LRCOL1: variants seen among roughly 807,000 people sequenced by gnomAD.
The protein encoded by LRCOL1 is leucine rich colipase like 1, also known as leucine-rich colipase-like protein 1.
A neutral mutation model predicts 21.6 loss-of-function variants in LRCOL1; 21 were observed. The observed-to-expected ratio is 0.97, with a 90% CI of 0.69 to 1.40. The LOEUF is 1.40. Among genes scored for constraint, LRCOL1 ranks in the 40% most tolerant of loss-of-function variants. LRCOL1 has a pLI of 0.00. For synonymous variants in LRCOL1, 98 were observed against 90.1 expected (o/e 1.09, Z -0.49); for missense variants, 198 against 202.3 (o/e 0.98, Z 0.13).
At chr12:132,609,012 A>G (rs1210356521) in intron 1 of LRCOL1, among the ~76,000 whole-genome samples, 1 of 152,188 alleles carries the variant, frequency 6.6e-6, no homozygotes, top group Non-Finnish European at 1.5e-5. Flanking sequence ...CACCGTTCAC[A>G]GCAGCGTTTT....
rs1487877882 is a variant in LRCOL1, at chr12:132,606,817, TAAGTG to T, written c.-13-558_-13-554del. On this transcript the variant is annotated intron_variant, in intron 1 of 5. Coordinates refer to ENST00000376608, the MANE Select transcript of LRCOL1 (RefSeq NM_001195520.2). The surrounding 1 kb of genome is among the most constrained non-coding windows in gnomAD (Gnocchi z 4.6). ...GCCTTTTCGGGTTGGCTTATTTCAC[TAAGTG>T]CCATTTAAGGTTCCTCTGTGGCTTT... 1.3e-5 allele frequency among the ~76,000 whole-genome samples: 2 copies of T among 151,542 alleles called. No individual in the cohort carries two copies. Among genetic ancestry groups the T allele is most frequent in the Non-Finnish European group, 3.0e-5 (2 of 67,712 alleles).
chr12:132,605,944 C>T, intron 2 of LRCOL1: 1 of 595,092 alleles, frequency 1.7e-6, no homozygotes, highest in South Asian at 2.0e-5. Context: ...GCTTGGGCAG[C>T]ACAGCCGGGC....
rs1192943507 is a variant in LRCOL1 at position 132,604,901 on chromosome 12, G to A, written c.106-70C>T. ...CCTGCAGACTCAGCACTCAGGAAAG[G>A]CCTGCCCTCTCCTTGGCTCCCCTGT... On this transcript the variant is annotated intron_variant, in intron 2 of 5. Transcript: ENST00000376608. The A allele has an allele frequency of 1.1e-5, 16 of 1,508,422 alleles. No individual in the cohort carries two copies. In the South Asian group the frequency reaches 1.6e-4, roughly 15 times the overall value. 93.4% of individuals were successfully genotyped at this position (1,508,422 alleles called of 1,614,324 possible). A position where few individuals can be genotyped will look rare whatever the true frequency, so the allele number is the denominator to read the frequency against.
At chr12:132,605,249 C>T in intron 2 of LRCOL1, 1 of 456,616 alleles carries the variant, frequency 2.2e-6, no homozygotes, top group Non-Finnish European at 2.9e-6. Flanking sequence ...TTGTAGCCAC[C>T]CCCCACCCAC....
At position 132,610,500 on chromosome 12, in the gene LRCOL1, G is replaced by C. The variant is rs1178622334; in HGVS notation, c.-191C>G. ...CCTTCTCCGTCTTGTTCCCTCCTTC[G>C]GTCCCAGGAGAAAGACGCTCATCTC... On this transcript the variant is annotated 5_prime_UTR_variant, in exon 1 of 6. Transcript: ENST00000376608. The C allele has an allele frequency of 1.3e-5, 2 of 152,248 alleles. No homozygotes were observed. Among genetic ancestry groups the C allele is most frequent in the Non-Finnish European group, 2.9e-5 (2 of 68,166 alleles). The allele number at this position is 152,248 out of a possible 1,614,324, so 9.4% of individuals were successfully genotyped here. A position where few individuals can be genotyped will look rare whatever the true frequency, so the allele number is the denominator to read the frequency against.
chr12:132,604,411 G>A, intron 4 of LRCOL1, 35 bp from the exon 5 acceptor site: 2 of 1,533,590 alleles, frequency 1.3e-6, no homozygotes, highest in Non-Finnish European at 1.7e-6. Flanking sequence ...CGTGGAGAGG[G>A]GCTGTCTCCG....
chr12:132,604,293 G>A lies in LRCOL1; in HGVS notation c.438C>T (p.Cys146=). 2.0e-6 allele frequency: 3 copies of A among 1,535,704 alleles called. No homozygotes were observed. Among genetic ancestry groups the A allele is most frequent in the Non-Finnish European group, 1.7e-6 (2 of 1,146,776 alleles). ...GGGCCAGGATCCCGGTCCGGGGAAT[G>A]CAGCGGAAGGGGCTGTACTCCCTCA... ...IQLREYSPFR[C]IPRTGILAQC... is the part of the protein sequence containing the mutation. The change falls in exon 5 of 6, where the codon TGC becomes TGT. Residue 146 remains cysteine, a synonymous_variant. Transcript: ENST00000376608.
rs2138307893 is a variant in LRCOL1, at chr12:132,606,154, G to T, written c.98C>A (p.Ser33Tyr). The T allele has an allele frequency of 6.5e-7, 1 of 1,536,316 alleles. No individual in the cohort carries two copies. The change falls in exon 2 of 6, where the codon TCC becomes TAC. Residue 33 changes from serine to tyrosine, a missense_variant. By Grantham distance (144) the Ser-to-Tyr change is moderately radical. Coordinates refer to ENST00000376608, the MANE Select transcript of LRCOL1 (RefSeq NM_001195520.2). The surrounding 1 kb of genome is among the most constrained non-coding windows in gnomAD (Gnocchi z 4.6). ...GGGGTGCCCGGCACCCACCTTATGG[G>T]ACAGGTTCAACTTCTTCTGTGGCCC... ...GYGPQKKLNL[S>Y]HKGIGEPCRR...
chr12:132,606,683 GC>G lies in LRCOL1; in HGVS notation c.-13-420del. On this transcript the variant is annotated intron_variant, in intron 1 of 5. Coordinates refer to ENST00000376608, the MANE Select transcript of LRCOL1 (RefSeq NM_001195520.2). The surrounding 1 kb of genome is among the most constrained non-coding windows in gnomAD (Gnocchi z 4.6). Reference sequence around the variant, plus strand: ...GATCCGATGCCCTAAACATCCCCGTGCCCCGTCTATTCGCTCCTCCCTCCCC... The same window carrying G: ...GATCCGATGCCCTAAACATCCCCGTGCCCGTCTATTCGCTCCTCCCTCCCC... 6.6e-6 allele frequency among the ~76,000 whole-genome samples: 1 copy of G among 152,130 alleles called. No homozygotes were observed. The highest frequency in any genetic ancestry group is 2.1e-4 in the South Asian group (1 of 4,816).
intron 3 of LRCOL1, 41 bp from the exon 4 acceptor site, chr12:132,604,625 A>G: frequency 6.6e-7 from 1 of 1,522,978 alleles, no homozygotes; most frequent in Non-Finnish European, 8.8e-7. Context: ...CCCACCATCC[A>G]CTCCCTGGCT....
At chr12:132,604,064 A>G (rs1048853092) in intron 5 of LRCOL1, 190 bp downstream of exon 5, 91 of 1,415,944 alleles carry the variant, frequency 6.4e-5, no homozygotes, top group Non-Finnish European at 8.2e-5. Context: ...GTGCCAGCCC[A>G]GGAGCCTTCT....
chr12:132,603,544 C>T lies in LRCOL1; in HGVS notation c.478-140G>A, dbSNP rs569239192. The T allele has an allele frequency of 1.9e-5, 29 of 1,498,168 alleles. No individual in the cohort carries two copies. The African/African-American group carries it at 3.9e-4, about 20-fold the overall frequency. 92.8% of individuals were successfully genotyped at this position (1,498,168 alleles called of 1,614,324 possible). ...CGGGACAGCACCCAGAGGCCGACGC[C>T]CACGCTCAGCTCGCGAGAGGGACGC... On this transcript the variant is annotated intron_variant, in intron 5 of 5. Transcript: ENST00000376608.
intron 5 of LRCOL1, chr12:132,603,704 ACGGGAG>A (rs1459456472): frequency 2.0e-6 from 2 of 985,304 alleles, no homozygotes; most frequent in Non-Finnish European, 2.4e-6. Flanking sequence ...TTCACCCCAG[ACGGGAG>A]CTCTGGGCTC....
intron 5 of LRCOL1, chr12:132,603,868 C>CA: frequency 8.5e-7 from 1 of 1,173,164 alleles, no homozygotes; most frequent in Middle Eastern, 3.5e-4. Context: ...CAGCAGAGGT[C>CA]GGGGGAGGGA....
Position 132,606,355 on chromosome 12 carries a change from C to A in LRCOL1, c.-13-91G>T. ...CTGGCCTCCCCACTCCCTTCCCATCCCTTCCCGATCCTTTCTCTTGCAAGA... is the reference window on the plus strand; with the variant it reads ...CTGGCCTCCCCACTCCCTTCCCATCACTTCCCGATCCTTTCTCTTGCAAGA... On this transcript the variant is annotated intron_variant, in intron 1 of 5. Transcript: ENST00000376608. The surrounding 1 kb of genome is among the most constrained non-coding windows in gnomAD (Gnocchi z 4.6). The A allele has an allele frequency of 9.8e-7, 1 of 1,016,634 alleles. No homozygotes were observed. Among genetic ancestry groups the A allele is most frequent in the South Asian group, 1.6e-5 (1 of 63,210 alleles). 63.0% of individuals were successfully genotyped at this position (1,016,634 alleles called of 1,614,324 possible).
In LRCOL1 at chr12:132,603,293, G is replaced by A. The variant is rs1593646813; in HGVS notation, c.*109C>T. On this transcript the variant is annotated 3_prime_UTR_variant, in exon 6 of 6. Transcript: ENST00000376608. ...GATTTTCAGAGCCCCAGAAACAGCA[G>A]CACAAACCGTAAGGGAAGCTTCCGC... 2 of 1,474,064 alleles carry A rather than the reference G, an allele frequency of 1.4e-6. No homozygotes were observed. The highest frequency in any genetic ancestry group is 1.8e-6 in the Non-Finnish European group (2 of 1,093,236). 91.3% of individuals were successfully genotyped at this position (1,474,064 alleles called of 1,614,324 possible).
chr12:132,603,521 G>A, intron 5 of LRCOL1, 117 bp from the exon 6 acceptor site: 1 of 1,526,904 alleles, frequency 6.5e-7, no homozygotes, highest in East Asian at 2.5e-5. Flanking sequence ...GTGGGGGTCG[G>A]GACAGCACCC....
rs1044187726 is a variant in LRCOL1 at position 132,603,260 on chromosome 12, T to C, written c.*142A>G. The C allele has an allele frequency of 2.9e-5, 38 of 1,312,056 alleles. No individual in the cohort carries two copies. The highest frequency in any genetic ancestry group is 8.8e-5 in the African/African-American group (6 of 67,818). The allele number at this position is 1,312,056 out of a possible 1,614,324, so 81.3% of individuals were successfully genotyped here. The stretch of plus-strand genomic sequence containing the variant: ...CACCAGGCTGGTCACAGCCTTTCAG[T>C]TCCCACAGATTTTCAGAGCCCCAGA... On this transcript the variant is annotated 3_prime_UTR_variant, in exon 6 of 6. Transcript: ENST00000376608.
intron 1 of LRCOL1, among the ~76,000 whole-genome samples, chr12:132,608,263 G>A (rs557738053): frequency 1.3e-5 from 2 of 152,222 alleles, no homozygotes; most frequent in South Asian, 2.1e-4. Flanking sequence ...GCTGAGCCCC[G>A]GCAGTGGCCT....
Sources: allele counts gnomAD v4.1 joint callset (sites outside exome capture counted in the v4.1 genomes callset), GRCh38; gene constraint gnomAD v4.1.1; non-coding constraint Gnocchi (gnomAD v3.1); transcripts MANE v1.5; gene names NCBI Gene and HGNC (gene_info 2026-07-23, HGNC 2026-07-21).